The following PGBD1 variants were observed in gnomAD, a reference collection of about 807,000 sequenced individuals.
PGBD1 encodes piggyBac transposable element-derived protein 1.
PGBD1 carries 25 observed loss-of-function variants against 34.7 expected under a neutral mutation model. The ratio of observed to expected loss-of-function variants is 0.72; its 90% confidence interval spans 0.52 to 1.00. The LOEUF is 1.00. Ranked by LOEUF, PGBD1 falls within the 50% of genes least tolerant of loss-of-function variation. The pLI is 0.00. For missense variants in PGBD1, 830 were observed against 959.4 expected (o/e 0.87, Z 1.78); for synonymous variants, 292 against 335.7 (o/e 0.87, Z 1.42).
intron 4 of PGBD1, among the ~76,000 whole-genome samples, chr6:28,293,873 A>G (rs534243386): frequency 3.3e-4 from 51 of 152,296 alleles, no homozygotes; most frequent in African/African-American, 1.2e-3. Context: ...CATTTATAAT[A>G]CTACTACTAC....
intron 3 of PGBD1, 22 bp downstream of exon 3, chr6:28,285,729 G>A: frequency 1.2e-6 from 2 of 1,606,106 alleles, no homozygotes; most frequent in Non-Finnish European, 8.5e-7. Context: ...AGTGAGTTTA[G>A]TGAGGACGCT....
In PGBD1 at chr6:28,281,577, C is replaced by A. The variant is rs1434522017; in HGVS notation, c.-380C>A. 1.8e-5 allele frequency: 7 copies of A among 389,590 alleles called. No homozygotes were observed. Among genetic ancestry groups the A allele is most frequent in the Non-Finnish European group, 2.7e-5 (6 of 221,046 alleles). 24.1% of individuals were successfully genotyped at this position (389,590 alleles called of 1,614,324 possible). A position where few individuals can be genotyped will look rare whatever the true frequency, so the allele number is the denominator to read the frequency against. On this transcript the variant is annotated 5_prime_UTR_variant, in exon 1 of 7. Coordinates refer to ENST00000682144, the MANE Select transcript of PGBD1 (RefSeq NM_032507.4). ...CGGCGCAGGGAGAAGCTTTTGTACC[C>A]GCCCAGCTGCTGGAGGCGCCGGCAG...
chr6:28,282,434 T>A lies in PGBD1; in HGVS notation c.-39+516T>A, dbSNP rs375592329. Among the ~76,000 whole-genome samples, 26 of 152,332 alleles carry A rather than the reference T, an allele frequency of 1.7e-4. No homozygotes were observed. The South Asian group carries it at 2.1e-3, about 12-fold the overall frequency. The stretch of plus-strand genomic sequence containing the variant: ...AACTTTGTGTGTGTTTATGTGTGTG[T>A]GAGGTATGTTGAATATGGTCACAAC... On this transcript the variant is annotated intron_variant, in intron 1 of 6. Transcript: ENST00000682144.
intron 4 of PGBD1, among the ~76,000 whole-genome samples, chr6:28,293,962 T>C (rs964357911): frequency 2.0e-5 from 3 of 152,156 alleles, no homozygotes; most frequent in Non-Finnish European, 2.9e-5. Flanking sequence ...TGATTAAGTA[T>C]AGTAAGGAAG....
chr6:28,285,474 G>GCAAA, intron 2 of PGBD1, 77 bp from the exon 3 acceptor site: 4 of 1,420,088 alleles, frequency 2.8e-6, no homozygotes, highest in Non-Finnish European at 3.8e-6. Context: ...TGTATCCCCA[G>GCAAA]CATGTAGAAC....
At position 28,297,887 on chromosome 6, in the gene PGBD1, T is replaced by G; in HGVS notation, c.773-8T>G. Reference sequence around the variant, plus strand: ...GATGACATTTAAATCATTAATGTTATATTTTAGCTGAAGAAATTGTAACTA... The same window carrying G: ...GATGACATTTAAATCATTAATGTTAGATTTTAGCTGAAGAAATTGTAACTA... On this transcript the variant is annotated splice_region_variant and splice_polypyrimidine_tract_variant and intron_variant, in intron 5 of 6. Coordinates refer to ENST00000682144, the MANE Select transcript of PGBD1 (RefSeq NM_032507.4). 7.8e-7 allele frequency: 1 copy of G among 1,274,298 alleles called. No individual in the cohort carries two copies. Among genetic ancestry groups the G allele is most frequent in the Non-Finnish European group, 1.1e-6 (1 of 887,186 alleles). The allele number at this position is 1,274,298 out of a possible 1,614,324, so 78.9% of individuals were successfully genotyped here.
chr6:28,291,820 T>C (rs1150717), intron 4 of PGBD1, among the ~76,000 whole-genome samples: 34,554 of 152,152 alleles, frequency 0.23, 4,953 homozygotes, highest in African/African-American at 0.4. Context: ...ATAAATGTGA[T>C]ATATCACATT....
At position 28,301,328 on chromosome 6, in the gene PGBD1, G is replaced by A. The variant is rs1321050374; in HGVS notation, c.1474G>A (p.Ala492Thr). 4 of 1,614,034 alleles carry A rather than the reference G, an allele frequency of 2.5e-6. No homozygotes were observed. In the Admixed American group the frequency reaches 6.7e-5, roughly 27 times the overall value. ...SDTDQNLVRD[A>T]IRRDRFELIF... Reference sequence around the variant, plus strand: ...CACCGATCAGAACCTGGTTAGAGATGCAATCAGAAGGGACAGATTTGAATT... The same window carrying A: ...CACCGATCAGAACCTGGTTAGAGATACAATCAGAAGGGACAGATTTGAATT... The change falls in exon 7 of 7, where the codon GCA (alanine) becomes ACA (threonine). Residue 492 changes from alanine to threonine, a missense_variant. Ala to Thr is a moderately conservative substitution (Grantham distance 58). Transcript: ENST00000682144.
intron 4 of PGBD1, among the ~76,000 whole-genome samples, chr6:28,292,118 C>T (rs1762475092): frequency 6.6e-6 from 1 of 152,068 alleles, no homozygotes; most frequent in Non-Finnish European, 1.5e-5. Flanking sequence ...GGCATCCAAA[C>T]CGGATAGCAA....
intron 4 of PGBD1, among the ~76,000 whole-genome samples, chr6:28,291,281 A>G (rs1762443928): frequency 6.6e-6 from 1 of 152,024 alleles, no homozygotes; most frequent in African/African-American, 2.4e-5. Context: ...CTGAGACCTC[A>G]GAAATACAAA....
chr6:28,295,009 C>T (rs946086366), intron 4 of PGBD1, among the ~76,000 whole-genome samples: 1 of 152,186 alleles, frequency 6.6e-6, no homozygotes, highest in Non-Finnish European at 1.5e-5. Context: ...AAGGATTCAT[C>T]ATTCTAGATG....
chr6:28,290,072 A>G (rs1022759366), intron 4 of PGBD1, among the ~76,000 whole-genome samples: 111 of 152,176 alleles, frequency 7.3e-4, no homozygotes, highest in African/African-American at 2.5e-3. Flanking sequence ...ATACTATAAG[A>G]GAAAATCACT....
chr6:28,288,223 C>T (rs1236697162), intron 4 of PGBD1, among the ~76,000 whole-genome samples: 2 of 152,174 alleles, frequency 1.3e-5, no homozygotes, highest in Non-Finnish European at 2.9e-5. Context: ...TTATGTCCCT[C>T]CAAAAGATAT....
chr6:28,293,123 A>G (rs1762516557), intron 4 of PGBD1, among the ~76,000 whole-genome samples: 1 of 152,018 alleles, frequency 6.6e-6, no homozygotes, highest in Admixed American at 6.5e-5. Context: ...TTGTATTTTT[A>G]GTAGAGATGG....
At chr6:28,296,675 ACCAG>A in intron 4 of PGBD1, 137 bp from the exon 5 acceptor site, 1 of 889,242 alleles carries the variant, frequency 1.1e-6, no homozygotes, top group East Asian at 2.6e-5. Context: ...CATTGTTATA[ACCAG>A]AAAGGTTCCC....
chr6:28,296,224 A>G (rs746418077), intron 4 of PGBD1, among the ~76,000 whole-genome samples: 1 of 152,254 alleles, frequency 6.6e-6, no homozygotes, highest in African/African-American at 2.4e-5. Flanking sequence ...CTGCATTTAC[A>G]TTAGATTCCA....
intron 3 of PGBD1, 48 bp downstream of exon 3, chr6:28,285,755 A>G (rs1150722): frequency 0.011 from 17,479 of 1,572,732 alleles, 566 homozygotes; most frequent in African/African-American, 0.092. Flanking sequence ...CTGGCCACTG[A>G]CACTTGCACA....
intron 4 of PGBD1, 44 bp downstream of exon 4, chr6:28,287,212 T>C (rs1156250084): frequency 2.0e-6 from 3 of 1,468,222 alleles, no homozygotes; most frequent in African/African-American, 1.4e-5. Context: ...GTAGTGGTCT[T>C]TCTCCCTCAT....
In PGBD1 at chr6:28,302,122, G is replaced by A; in HGVS notation, c.2268G>A (p.Lys756=). 6.2e-7 allele frequency: 1 copy of A among 1,614,132 alleles called. No homozygotes were observed. Among genetic ancestry groups the A allele is most frequent in the South Asian group, 1.1e-5 (1 of 91,080 alleles). Reference sequence around the variant, plus strand: ...AATACAGGGTGAGGATAAGAAGCAAGAAATGGTACTCAATTTTGGTGAGCT... The same window carrying A: ...AATACAGGGTGAGGATAAGAAGCAAAAAATGGTACTCAATTTTGGTGAGCT... ...ISKYRVRIRS[K]KWYSILVSYM... The change falls in exon 7 of 7, where the codon AAG becomes AAA. Residue 756 remains lysine, a synonymous_variant. Coordinates refer to ENST00000682144, the MANE Select transcript of PGBD1 (RefSeq NM_032507.4).
Sources: allele counts gnomAD v4.1 joint callset (sites outside exome capture counted in the v4.1 genomes callset), GRCh38; gene constraint gnomAD v4.1.1; transcripts MANE v1.5; gene names NCBI Gene and HGNC (gene_info 2026-07-23, HGNC 2026-07-21).